The following WDR88 variants were observed in gnomAD, a reference collection of about 807,000 sequenced individuals.
WDR88 encodes WD repeat domain 88.
In WDR88, 40 loss-of-function variants were observed where a neutral mutation model predicts 46.8. The ratio of observed to expected loss-of-function variants is 0.86; its 90% CI spans 0.66 to 1.11. WDR88 has a LOEUF of 1.11. WDR88 is among the 50% of genes most tolerant of loss of function. The probability of loss-of-function intolerance (pLI) is 0.00; values close to 1 mark genes in which losing one functional copy is unlikely to be tolerated. For synonymous variants in WDR88, 235 were observed against 240.7 expected, an observed-to-expected ratio of 0.98 and a Z score of 0.22; for missense variants, 562 against 602.4, an observed-to-expected ratio of 0.93 and a Z score of 0.70.
intron 2 of WDR88, among the ~76,000 whole-genome samples, chr19:33,142,210 G>T (rs34629831): frequency 7.9e-5 from 12 of 152,172 alleles, no homozygotes; most frequent in African/African-American, 2.2e-4. Context: ...GAGCCAGCAG[G>T]GGGGGACGAA....
chr19:33,146,226 G>A (rs1973511140), intron 3 of WDR88, among the ~76,000 whole-genome samples: 1 of 152,198 alleles, frequency 6.6e-6, no homozygotes, highest in African/African-American at 2.4e-5. Flanking sequence ...AACTCGGGAG[G>A]TGGAGGTTGT....
At chr19:33,133,198 T>TATAGAGAGAGAG (rs1555723214) in intron 1 of WDR88, among the ~76,000 whole-genome samples, 1 of 79,722 alleles carries the variant, frequency 1.3e-5, no homozygotes, top group African/African-American at 3.3e-5. Context: ...TAAATAAATA[T>TATAGAGAGAGAG]AGAGAGAGAG....
chr19:33,161,394 C>G (rs1270255845), intron 8 of WDR88, among the ~76,000 whole-genome samples: 1 of 152,070 alleles, frequency 6.6e-6, no homozygotes, highest in Non-Finnish European at 1.5e-5. Flanking sequence ...ATGCTGTGCC[C>G]CTGTTCCCCC....
At chr19:33,166,421 C>G (rs1398673264) in intron 9 of WDR88, among the ~76,000 whole-genome samples, 1 of 151,110 alleles carries the variant, frequency 6.6e-6, no homozygotes, top group Non-Finnish European at 1.5e-5. Context: ...AAAACCCTGT[C>G]TCTATAAAAA....
At chr19:33,159,683 A>G (rs1973830792) in intron 7 of WDR88, among the ~76,000 whole-genome samples, 1 of 152,134 alleles carries the variant, frequency 6.6e-6, no homozygotes, top group Non-Finnish European at 1.5e-5. Context: ...AGTGTCTGCA[A>G]AAACTGCAGA....
Position 33,156,688 on chromosome 19 carries a change from G to A in WDR88, c.997+146G>A, listed in dbSNP as rs1022074552. 5.4e-6 allele frequency: 5 copies of A among 922,892 alleles called. No individual in the cohort carries two copies. The African/African-American group carries it at 8.4e-5, about 15-fold the overall frequency. The allele number at this position is 922,892 out of a possible 1,614,324, so 57.2% of individuals were successfully genotyped here. ...TTCCCCACGAGAACAAAAAACCCAA[G>A]AGGGAAGACCACAGGTACCAGTTTA... On this transcript the variant is annotated intron_variant, in intron 7 of 10. Transcript: ENST00000355868.
rs767891482 is a variant in WDR88, at chr19:33,147,731, G to A, written c.540+23G>A. Reference sequence around the variant, plus strand: ...CTGGTACGTATGCCTGTCCAGTGGGGGCGTTGGTTGCAGCCCAGGGGCTTG... The same window carrying A: ...CTGGTACGTATGCCTGTCCAGTGGGAGCGTTGGTTGCAGCCCAGGGGCTTG... On this transcript the variant is annotated intron_variant, in intron 4 of 10. Coordinates refer to ENST00000355868, the MANE Select transcript of WDR88 (RefSeq NM_173479.4). The A allele has an allele frequency of 1.2e-5, 19 of 1,612,564 alleles. 1 individual carries two copies. In the South Asian group the frequency reaches 2.1e-4, roughly 18 times the overall value.
At chr19:33,159,177 A>C (rs112041100) in intron 7 of WDR88, among the ~76,000 whole-genome samples, 118 of 151,852 alleles carry the variant, frequency 7.8e-4, no homozygotes, top group African/African-American at 2.4e-3. Flanking sequence ...CCAAAACAAA[A>C]AAAAAAAATT....
chr19:33,173,936 C>T (rs1443529378), intron 10 of WDR88, among the ~76,000 whole-genome samples: 5 of 152,158 alleles, frequency 3.3e-5, no homozygotes, highest in African/African-American at 4.8e-5. Context: ...CTGCAACCTC[C>T]GCCTCCCGGG....
intron 8 of WDR88, among the ~76,000 whole-genome samples, chr19:33,163,409 T>A (rs1973902146): frequency 6.6e-6 from 1 of 151,890 alleles, no homozygotes; most frequent in East Asian, 1.9e-4. Flanking sequence ...GGCTGGATAA[T>A]TGCTTGAACC....
intron 9 of WDR88, among the ~76,000 whole-genome samples, chr19:33,167,065 G>A (rs1190764820): frequency 6.6e-6 from 1 of 152,116 alleles, no homozygotes; most frequent in Non-Finnish European, 1.5e-5. Flanking sequence ...TTCATTCTAT[G>A]AGGCCAGCAC....
At chr19:33,145,363 G>C (rs1216779170) in intron 3 of WDR88, among the ~76,000 whole-genome samples, 3 of 151,586 alleles carry the variant, frequency 2.0e-5, no homozygotes, top group Non-Finnish European at 1.5e-5. Flanking sequence ...ATGTTGCCCA[G>C]GCTGGTCTCA....
At chr19:33,134,938 C>T (rs1973227059) in intron 1 of WDR88, among the ~76,000 whole-genome samples, 1 of 150,538 alleles carries the variant, frequency 6.6e-6, no homozygotes, top group African/African-American at 2.4e-5. Context: ...CTCAGCCCAG[C>T]ACCCTGACAC....
intron 10 of WDR88, among the ~76,000 whole-genome samples, chr19:33,174,007 C>T (rs10403697): frequency 0.17 from 25,180 of 151,856 alleles, 2,732 homozygotes; most frequent in Admixed American, 0.28. Flanking sequence ...CCCACCACTA[C>T]GCTGGCTAAT....
rs978658225 is a variant in WDR88 at position 33,134,850 on chromosome 19, C to A, written c.276+2405C>A. Among the ~76,000 whole-genome samples, 9 of 139,798 alleles carry A rather than the reference C, an allele frequency of 6.4e-5. No homozygotes were observed. In the East Asian group the frequency reaches 1.4e-3, roughly 22 times the overall value. The allele number at this position is 139,798 out of a possible 152,430, so 91.7% of individuals were successfully genotyped here. ...CTGCACGTCCCCGACACCCCCCCCC[C>A]CGCCCCGCATCACCTGCAACCGGAA... is the stretch of plus-strand genomic sequence containing the variant. On this transcript the variant is annotated intron_variant, in intron 1 of 10. Transcript: ENST00000355868.
chr19:33,143,544 T>C (rs1973446107), intron 2 of WDR88, among the ~76,000 whole-genome samples: 3 of 150,524 alleles, frequency 2.0e-5, no homozygotes, highest in African/African-American at 7.4e-5. Flanking sequence ...CTTGGGAGGC[T>C]GAGATGGGAG....
intron 1 of WDR88, among the ~76,000 whole-genome samples, chr19:33,135,073 T>G (rs73926245): frequency 0.14 from 20,197 of 149,500 alleles, 1,703 homozygotes; most frequent in Admixed American, 0.28. Context: ...GGTGACATCT[T>G]CAGGCTTCCC....
intron 10 of WDR88, chr19:33,175,004 G>C (rs1740564381): frequency 1.0e-6 from 1 of 985,270 alleles, no homozygotes; most frequent in Non-Finnish European, 1.2e-6. Context: ...GGCTGCCAAG[G>C]TGGGTGGATC....
At chr19:33,168,902 G>A (rs1056590269) in intron 9 of WDR88, among the ~76,000 whole-genome samples, 2 of 152,040 alleles carry the variant, frequency 1.3e-5, no homozygotes, top group Non-Finnish European at 2.9e-5. Flanking sequence ...GTGTAGTTCT[G>A]GCATAGGGAC....
Sources: gnomAD v4.1 joint callset for allele counts (sites outside exome capture counted in the v4.1 genomes callset) on GRCh38, gnomAD v4.1.1 for gene constraint, MANE v1.5 for transcripts, NCBI Gene and HGNC (gene_info 2026-07-23, HGNC 2026-07-21) for gene names.